The following EXOC4 variants were observed in gnomAD, a reference collection of about 807,000 sequenced individuals.
The protein encoded by EXOC4 is SEC8-like 1.
A neutral mutation model predicts 107.2 loss-of-function variants in EXOC4; 71 were observed. That is an observed-to-expected ratio of 0.66 (90% CI 0.55 to 0.81). EXOC4 has a LOEUF of 0.81. Ranked by LOEUF, EXOC4 falls within the 30% of genes least tolerant of loss-of-function variation. EXOC4 has a pLI of 0.00. For synonymous variants in EXOC4, 456 were observed against 441.2 expected, an observed-to-expected ratio of 1.03 and a Z score of -0.42; for missense variants, 1,108 against 1,189.6, an observed-to-expected ratio of 0.93 and a Z score of 1.01.
intron 10 of EXOC4, among the ~76,000 whole-genome samples, chr7:133,688,713 A>T (rs1465807085): frequency 1.3e-5 from 2 of 152,212 alleles, no homozygotes; most frequent in Non-Finnish European, 1.5e-5. Context: ...CAGAAGGCAT[A>T]GCCCTGTCGT....
the EXOC4 span, among the ~76,000 whole-genome samples, chr7:134,086,777 C>T: frequency 6.6e-6 from 1 of 152,156 alleles, no homozygotes; most frequent in Non-Finnish European, 1.5e-5. Context: ...AATGGCTACT[C>T]CATAGACAGA....
In EXOC4 at chr7:133,667,414, A is replaced by G. The variant is rs548471727; in HGVS notation, c.1514+37273A>G. On this transcript the variant is annotated intron_variant, in intron 10 of 17. Transcript: ENST00000253861. ...AGTATAGATGGCTGTTTTATTTTAT[A>G]GTAAGTATTTGTTTATTTTCTAGAC... Among the ~76,000 whole-genome samples the G allele has an allele frequency of 2.3e-4, 35 of 152,340 alleles. No individual in the cohort carries two copies. The South Asian group carries it at 7.2e-3, about 32-fold the overall frequency.
chr7:133,952,845 CATG>C (rs1800724173), intron 14 of EXOC4, among the ~76,000 whole-genome samples: 1 of 152,176 alleles, frequency 6.6e-6, no homozygotes, highest in South Asian at 2.1e-4. Flanking sequence ...TTGAAAGCTG[CATG>C]ATATTCTATT....
At chr7:133,629,763 G>A (rs192914325) in intron 9 of EXOC4, among the ~76,000 whole-genome samples, 2 of 151,122 alleles carry the variant, frequency 1.3e-5, no homozygotes, top group East Asian at 2.0e-4. Context: ...GGCTGGTCTC[G>A]AACTGCTGGC....
At chr7:133,635,644 C>T (rs1802689758) in intron 10 of EXOC4, among the ~76,000 whole-genome samples, 1 of 152,148 alleles carries the variant, frequency 6.6e-6, no homozygotes, top group South Asian at 2.1e-4. Context: ...CACCTCATAA[C>T]CACAGAGTCC....
At chr7:133,972,368 T>G (rs1304207862) in intron 14 of EXOC4, among the ~76,000 whole-genome samples, 3 of 152,202 alleles carry the variant, frequency 2.0e-5, no homozygotes, top group African/African-American at 7.2e-5. Context: ...ACAGAAAAAT[T>G]TTTACCAATC....
chr7:133,535,454 A>G (rs1373570811), intron 9 of EXOC4, among the ~76,000 whole-genome samples: 3 of 152,174 alleles, frequency 2.0e-5, no homozygotes, highest in South Asian at 2.1e-4. Flanking sequence ...TCCTATCTGA[A>G]TGACCACAGC....
intron 5 of EXOC4, among the ~76,000 whole-genome samples, chr7:133,345,291 T>C (rs892269169): frequency 2.0e-5 from 3 of 152,182 alleles, no homozygotes; most frequent in Admixed American, 6.5e-5. Context: ...AACCAGAAAC[T>C]GATAGAGATT....
At chr7:133,930,104 T>G (rs965902753) in intron 13 of EXOC4, among the ~76,000 whole-genome samples, 1 of 152,240 alleles carries the variant, frequency 6.6e-6, no homozygotes, top group South Asian at 2.1e-4. Context: ...TATAATGTGT[T>G]CAACTTATAA....
chr7:133,955,422 T>C (rs1428786029), intron 14 of EXOC4, among the ~76,000 whole-genome samples: 1 of 152,146 alleles, frequency 6.6e-6, no homozygotes, highest in Non-Finnish European at 1.5e-5. Flanking sequence ...AGTGGGTAGC[T>C]CCTCTCTGCA....
the EXOC4 span, among the ~76,000 whole-genome samples, chr7:134,074,023 C>T: frequency 3.3e-5 from 5 of 152,222 alleles, no homozygotes; most frequent in African/African-American, 1.2e-4. Flanking sequence ...AGTGTCCATC[C>T]ACCACAGGCA....
chr7:134,050,608 G>A (rs973015392), intron 17 of EXOC4, among the ~76,000 whole-genome samples: 3 of 152,130 alleles, frequency 2.0e-5, no homozygotes, highest in African/African-American at 4.8e-5. Context: ...AGGATTTAGC[G>A]ATTTTGAACA....
At chr7:133,788,919 A>G (rs1183909222) in intron 10 of EXOC4, among the ~76,000 whole-genome samples, 1 of 150,416 alleles carries the variant, frequency 6.6e-6, no homozygotes, top group Non-Finnish European at 1.5e-5. Flanking sequence ...TTCACCATAT[A>G]ATACATGAAA....
At position 133,876,221 on chromosome 7, in the gene EXOC4, GGTGTGT is replaced by G. The variant is rs10605200; in HGVS notation, c.1735-19347_1735-19342del. ...CTTAGGCTAAGGAAAAGAATGAAGA[GGTGTGT>G]GTGTGTGTGTGTGTGTGTGTGTGTG... is the stretch of plus-strand genomic sequence containing the variant. On this transcript the variant is annotated intron_variant, in intron 11 of 17. Coordinates refer to ENST00000253861, the MANE Select transcript of EXOC4 (RefSeq NM_021807.4). Among the ~76,000 whole-genome samples the G allele has an allele frequency of 9.2e-3, 1,349 of 147,252 alleles. 3 individuals are homozygous for G. Among genetic ancestry groups the G allele is most frequent in the Non-Finnish European group, 0.011 (759 of 66,500 alleles).
intron 9 of EXOC4, among the ~76,000 whole-genome samples, chr7:133,586,334 A>C (rs771137129): frequency 1.8e-4 from 28 of 152,274 alleles, no homozygotes; most frequent in Non-Finnish European, 3.7e-4. Flanking sequence ...GAGGTCATGC[A>C]GTATTCGGTT....
intron 7 of EXOC4, among the ~76,000 whole-genome samples, chr7:133,375,422 G>A (rs1796467442): frequency 6.6e-6 from 1 of 152,086 alleles, no homozygotes; most frequent in Non-Finnish European, 1.5e-5. Context: ...TTTGCAGTGA[G>A]CCATTGTACC....
chr7:133,757,018 A>G (rs1795932940), intron 10 of EXOC4, among the ~76,000 whole-genome samples: 1 of 152,142 alleles, frequency 6.6e-6, no homozygotes, highest in South Asian at 2.1e-4. Flanking sequence ...TAAGGGATTG[A>G]ATATGTTTCC....
intron 10 of EXOC4, among the ~76,000 whole-genome samples, chr7:133,735,491 T>G (rs1447135184): frequency 2.6e-5 from 4 of 152,220 alleles, no homozygotes; most frequent in African/African-American, 9.6e-5. Context: ...TAGAAGATTA[T>G]GTACCTGCCT....
chr7:133,285,561 A>G (rs981920291), intron 2 of EXOC4, among the ~76,000 whole-genome samples: 3 of 152,140 alleles, frequency 2.0e-5, no homozygotes, highest in Non-Finnish European at 2.9e-5. Context: ...AAGGCTTTGT[A>G]TAGGTCCTGT....
Sources: gnomAD v4.1 joint callset for allele counts (sites outside exome capture counted in the v4.1 genomes callset) on GRCh38, gnomAD v4.1.1 for gene constraint, MANE v1.5 for transcripts, NCBI Gene and HGNC (gene_info 2026-07-23, HGNC 2026-07-21) for gene names.